The following EIPR1 variants were observed in gnomAD, a reference collection of about 807,000 sequenced individuals.
EIPR1 encodes EARP complex and GARP complex interacting protein 1, also known as EARP and GARP complex-interacting protein 1.
EIPR1 carries 25 observed loss-of-function variants against 48.1 expected under a neutral mutation model. The ratio of observed to expected loss-of-function variants is 0.52; its 90% confidence interval spans 0.38 to 0.73. The LOEUF (loss-of-function observed/expected upper bound fraction) is 0.73, where lower values mean the gene tolerates loss of function less well. EIPR1 is among the 30% of genes least tolerant of loss of function. The pLI is 0.00. For synonymous variants in EIPR1, 204 were observed against 201.9 expected (o/e 1.01, Z -0.09); for missense variants, 415 against 506.2 (o/e 0.82, Z 1.73).
chr2:3,338,435 GTCC>G (rs1300432713), intron 2 of EIPR1, among the ~76,000 whole-genome samples: 1 of 152,220 alleles, frequency 6.6e-6, no homozygotes, highest in African/African-American at 2.4e-5. Context: ...CAAACGCTGT[GTCC>G]TCAAGTGGCT....
chr2:3,198,819 A>G (rs1664900075), intron 5 of EIPR1, among the ~76,000 whole-genome samples: 1 of 152,172 alleles, frequency 6.6e-6, no homozygotes, highest in Admixed American at 6.5e-5. Context: ...GGTCAGGGTG[A>G]GATCACAAGG....
At chr2:3,321,059 G>T (rs1314998519) in intron 3 of EIPR1, among the ~76,000 whole-genome samples, 4 of 152,180 alleles carry the variant, frequency 2.6e-5, no homozygotes, top group Admixed American at 6.5e-5. Flanking sequence ...TATCTGAACA[G>T]GGCAGGAGGC....
chr2:3,236,242 T>C (rs902396030), intron 4 of EIPR1, among the ~76,000 whole-genome samples: 1 of 151,996 alleles, frequency 6.6e-6, no homozygotes, highest in Non-Finnish European at 1.5e-5. Flanking sequence ...GGAAAAAGCA[T>C]GAACTGCGCA....
chr2:3,289,419 C>T (rs547169700), intron 3 of EIPR1, among the ~76,000 whole-genome samples: 88 of 152,320 alleles, frequency 5.8e-4, no homozygotes, highest in African/African-American at 1.8e-3. Flanking sequence ...CAGTCTCGTC[C>T]TCTGTGGGAG....
chr2:3,257,479 A>G (rs777198482), intron 3 of EIPR1, 24 bp from the exon 4 acceptor site: 1 of 1,612,926 alleles, frequency 6.2e-7, no homozygotes, highest in African/African-American at 1.3e-5. Flanking sequence ...CATAATGGAT[A>G]ATGTCAACAG....
At position 3,189,551 on chromosome 2, in the gene EIPR1, G is replaced by A. The variant is rs1245830138; in HGVS notation, c.990-43C>T. On this transcript the variant is annotated intron_variant, in intron 8 of 8. Transcript: ENST00000382125. The surrounding 1 kb of genome is among the most constrained non-coding windows in gnomAD (Gnocchi z 4.6). ...CAGACGTGAGCGCAGCAGCTCCGGC[G>A]GGGCGGGCAGGAGAGGGGCAGGGAG... 7.4e-6 allele frequency: 11 copies of A among 1,486,752 alleles called. No individual in the cohort carries two copies. The highest frequency in any genetic ancestry group is 4.9e-5 in the East Asian group (2 of 40,536). 92.1% of individuals were successfully genotyped at this position (1,486,752 alleles called of 1,614,324 possible).
intron 3 of EIPR1, among the ~76,000 whole-genome samples, chr2:3,309,983 G>T (rs903306893): frequency 1.3e-5 from 2 of 152,116 alleles, no homozygotes; most frequent in Non-Finnish European, 2.9e-5. Flanking sequence ...GGGCAGGGAC[G>T]CTCCCTGCGC....
intron 1 of EIPR1, among the ~76,000 whole-genome samples, chr2:3,371,707 T>A (rs1029557844): frequency 6.6e-6 from 1 of 152,170 alleles, no homozygotes; most frequent in African/African-American, 2.4e-5. Flanking sequence ...ATGCACCCAA[T>A]ACAGGAGCAC....
intron 5 of EIPR1, among the ~76,000 whole-genome samples, chr2:3,200,789 C>G (rs1313988871): frequency 6.6e-6 from 1 of 152,146 alleles, no homozygotes; most frequent in Non-Finnish European, 1.5e-5. Context: ...GCAGCCGACA[C>G]AGCACCAGGC....
rs1301193108 is a variant in EIPR1 at position 3,189,515 on chromosome 2, T to C, written c.990-7A>G. 5.8e-6 allele frequency: 9 copies of C among 1,547,758 alleles called. No individual in the cohort carries two copies. Among genetic ancestry groups the C allele is most frequent in the Admixed American group, 1.9e-5 (1 of 53,932 alleles). On this transcript the variant is annotated splice_polypyrimidine_tract_variant and splice_region_variant and intron_variant, in intron 8 of 8. Coordinates refer to ENST00000382125, the MANE Select transcript of EIPR1 (RefSeq NM_003310.5). This position sits in a 1 kb window ranked among gnomAD's most constrained non-coding sequence, Gnocchi z 4.6. ...CTGCAGGGGCTCCTTGCTCCTGCAA[T>C]GCAACAGAGGCAGACGTGAGCGCAG...
At chr2:3,211,415 C>A (rs1201958478) in intron 5 of EIPR1, among the ~76,000 whole-genome samples, 2 of 152,186 alleles carry the variant, frequency 1.3e-5, no homozygotes, top group African/African-American at 4.8e-5. Context: ...AGCCCCTCCC[C>A]ACGAGCTCTG....
intron 4 of EIPR1, among the ~76,000 whole-genome samples, chr2:3,243,388 G>A (rs1181045482): frequency 7.2e-6 from 1 of 138,054 alleles, no homozygotes; most frequent in Non-Finnish European, 1.7e-5. Flanking sequence ...CCAGCACTTT[G>A]GGAGGTCAAG....
intron 5 of EIPR1, among the ~76,000 whole-genome samples, chr2:3,198,140 C>T (rs971753890): frequency 5.9e-5 from 9 of 152,184 alleles, no homozygotes; most frequent in South Asian, 4.1e-4. Context: ...AACAGAAAGA[C>T]GGGCAGTTCC....
chr2:3,213,731 C>A (rs1665532962), intron 5 of EIPR1, among the ~76,000 whole-genome samples: 1 of 151,918 alleles, frequency 6.6e-6, no homozygotes, highest in African/African-American at 2.4e-5. Context: ...CTGAAAGACC[C>A]CATCAGTCAG....
At chr2:3,322,312 T>G (rs1465722425) in intron 3 of EIPR1, among the ~76,000 whole-genome samples, 1 of 152,104 alleles carries the variant, frequency 6.6e-6, no homozygotes, top group Non-Finnish European at 1.5e-5. Context: ...GTGCCTGGAG[T>G]TTGGGACTGA....
chr2:3,342,214 C>T (rs148143044), intron 2 of EIPR1, among the ~76,000 whole-genome samples: 250 of 151,926 alleles, frequency 1.6e-3, no homozygotes, highest in African/African-American at 5.8e-3. Context: ...TTATTAATAC[C>T]AAAAATGTTA....
Position 3,354,546 on chromosome 2 carries a change from T to A in EIPR1, c.126+4A>T. ...TCATGTATACATTTGTCAAAAATAGTTACCTGATTATCATATTTAAGAGAC... is the reference window on the plus strand; with the variant it reads ...TCATGTATACATTTGTCAAAAATAGATACCTGATTATCATATTTAAGAGAC... On this transcript the variant is annotated splice_donor_region_variant and intron_variant, in intron 2 of 8. Coordinates refer to ENST00000382125, the MANE Select transcript of EIPR1 (RefSeq NM_003310.5). 6.2e-7 allele frequency: 1 copy of A among 1,613,266 alleles called. No homozygotes were observed. Among genetic ancestry groups the A allele is most frequent in the Non-Finnish European group, 8.5e-7 (1 of 1,179,368 alleles).
At chr2:3,308,371 CAAAG>C (rs1268164843) in intron 3 of EIPR1, among the ~76,000 whole-genome samples, 2 of 151,914 alleles carry the variant, frequency 1.3e-5, no homozygotes, top group African/African-American at 4.8e-5. Context: ...AAAATTTCAA[CAAAG>C]AGATGAAAGA....
intron 3 of EIPR1, among the ~76,000 whole-genome samples, chr2:3,274,650 A>G (rs1558266557): frequency 6.6e-6 from 1 of 152,146 alleles, no homozygotes; most frequent in Non-Finnish European, 1.5e-5. Flanking sequence ...AAAAAAAAAA[A>G]TTAAGCGAAA....
Sources: allele counts gnomAD v4.1 joint callset (sites outside exome capture counted in the v4.1 genomes callset), GRCh38; gene constraint gnomAD v4.1.1; non-coding constraint Gnocchi (gnomAD v3.1); transcripts MANE v1.5; gene names NCBI Gene and HGNC (gene_info 2026-07-23, HGNC 2026-07-21).